CCDC15: variants seen among roughly 807,000 people sequenced by gnomAD.
The protein encoded by CCDC15 is coiled-coil domain containing 15, also known as coiled-coil domain-containing protein 15.
In CCDC15, 105 loss-of-function variants were observed where a neutral mutation model predicts 114.5. The observed-to-expected ratio is 0.92, with a 90% CI of 0.78 to 1.08. The LOEUF (loss-of-function observed/expected upper bound fraction) is 1.08, where lower values mean the gene tolerates loss of function less well. Among genes scored for constraint, CCDC15 ranks in the 50% least tolerant of loss-of-function variants. The pLI is 0.00. For missense variants in CCDC15, 1,105 were observed against 1,093.6 expected (o/e 1.01, Z -0.15); for synonymous variants, 334 against 377.8 (o/e 0.88, Z 1.34).
At chr11:124,984,952 GA>G (rs1234165627) in intron 6 of CCDC15, among the ~76,000 whole-genome samples, 2 of 152,022 alleles carry the variant, frequency 1.3e-5, no homozygotes. Context: ...TTGTTTTTGG[GA>G]TTTGCTCTAG....
At chr11:125,025,853 C>G (rs1948698599) in intron 13 of CCDC15, among the ~76,000 whole-genome samples, 1 of 152,116 alleles carries the variant, frequency 6.6e-6, no homozygotes, top group Non-Finnish European at 1.5e-5. Context: ...TATTCATTAT[C>G]AGCCTGACTT....
At chr11:124,995,233 A>G (rs1286170973) in intron 11 of CCDC15, among the ~76,000 whole-genome samples, 1 of 152,146 alleles carries the variant, frequency 6.6e-6, no homozygotes, top group African/African-American at 2.4e-5. Flanking sequence ...GTTTCAGCTT[A>G]AATGTCACCT....
chr11:125,006,183 C>G (rs548400276), intron 13 of CCDC15, among the ~76,000 whole-genome samples: 1 of 152,290 alleles, frequency 6.6e-6, no homozygotes, highest in African/African-American at 2.4e-5. Context: ...TTCCCACCAG[C>G]AAGGAGTGAG....
intron 13 of CCDC15, among the ~76,000 whole-genome samples, chr11:125,036,815 A>T (rs1038249146): frequency 6.6e-6 from 1 of 151,928 alleles, no homozygotes; most frequent in African/African-American, 2.4e-5. Context: ...TTTCTACTTG[A>T]TTCTTTTAAA....
chr11:124,994,442 AT>A (rs1427837595), intron 11 of CCDC15, among the ~76,000 whole-genome samples: 6 of 152,202 alleles, frequency 3.9e-5, no homozygotes, highest in Non-Finnish European at 8.8e-5. Context: ...TAGGTCTCCC[AT>A]TGAAACCTAG....
Position 125,038,418 on chromosome 11 carries a change from A to AT in CCDC15, c.2412-9dup. 1 of 1,417,008 alleles carries AT rather than the reference A, an allele frequency of 7.1e-7. No individual in the cohort carries two copies. The highest frequency in any genetic ancestry group is 9.3e-7 in the Non-Finnish European group (1 of 1,074,642). 87.8% of individuals were successfully genotyped at this position (1,417,008 alleles called of 1,614,324 possible). On this transcript the variant is annotated splice_polypyrimidine_tract_variant and intron_variant, in intron 13 of 15. Coordinates refer to ENST00000344762, the MANE Select transcript of CCDC15 (RefSeq NM_025004.3). ...TTATGAAATTCCTAACCATGTTATG[A>AT]TTTTATTTTCAGAATTAAGAAAAAG...
At chr11:124,977,341 G>T (rs1947990184) in intron 5 of CCDC15, 137 bp from the exon 6 acceptor site, 1 of 648,018 alleles carries the variant, frequency 1.5e-6, no homozygotes. Flanking sequence ...TAGAACTCAT[G>T]TTTTTTCCCT....
intron 13 of CCDC15, among the ~76,000 whole-genome samples, chr11:125,016,114 AGTTT>A (rs1948627696): frequency 6.6e-6 from 1 of 152,124 alleles, no homozygotes; most frequent in Non-Finnish European, 1.5e-5. Context: ...TTTTATTACT[AGTTT>A]GTTTGACATT....
At chr11:124,971,552 A>G (rs1947881379) in intron 4 of CCDC15, among the ~76,000 whole-genome samples, 1 of 152,322 alleles carries the variant, frequency 6.6e-6, no homozygotes, top group Admixed American at 6.5e-5. Flanking sequence ...ATGTATTTAT[A>G]TATGCAATAT....
chr11:125,012,173 T>G (rs1442017099), intron 13 of CCDC15, among the ~76,000 whole-genome samples: 3 of 152,114 alleles, frequency 2.0e-5, no homozygotes, highest in African/African-American at 7.2e-5. Context: ...TCCAGGGGCC[T>G]GGGTACCTGG....
chr11:125,039,135 A>G, intron 15 of CCDC15, 66 bp downstream of exon 15: 2 of 1,422,852 alleles, frequency 1.4e-6, no homozygotes, highest in South Asian at 1.5e-5. Flanking sequence ...AGTAGTGGTA[A>G]TAGTAATTTA....
intron 13 of CCDC15, among the ~76,000 whole-genome samples, chr11:125,031,006 G>A (rs1181019764): frequency 6.6e-6 from 1 of 152,212 alleles, no homozygotes; most frequent in Non-Finnish European, 1.5e-5. Flanking sequence ...TTTGTCACCA[G>A]TTTTTCAATC....
rs753745832 is a variant in CCDC15 at position 124,988,096 on chromosome 11, C to T, written c.1870C>T (p.Pro624Ser). ...TCTCTCCAACGACCAGAATATTCTA[C>T]CCAAATGTCAGGACCAAGATTTTCT... The part of the protein sequence containing the change: ...HVLSNDQNIL[P>S]KCQDQDFLPK... The change falls in exon 8 of 16, where the codon CCC (proline) becomes TCC (serine). Residue 624 changes from proline (P) to serine (S), a missense_variant. Coordinates refer to ENST00000344762, the MANE Select transcript of CCDC15 (RefSeq NM_025004.3). 1 of 1,613,414 alleles carries T rather than the reference C, an allele frequency of 6.2e-7. No homozygotes were observed. The highest frequency in any genetic ancestry group is 1.7e-5 in the Admixed American group (1 of 59,952).
intron 15 of CCDC15, among the ~76,000 whole-genome samples, chr11:125,040,108 C>T (rs575426173): frequency 6.6e-5 from 10 of 151,920 alleles, no homozygotes; most frequent in East Asian, 3.9e-4. Context: ...TGCAGTGGCA[C>T]GATCTCGGCT....
chr11:125,003,635 T>C (rs1948513185), intron 11 of CCDC15, among the ~76,000 whole-genome samples: 1 of 152,064 alleles, frequency 6.6e-6, no homozygotes, highest in South Asian at 2.1e-4. Flanking sequence ...TTATTCATGT[T>C]TTTGACCTGA....
chr11:124,990,629 G>A (rs1948251473), intron 8 of CCDC15, among the ~76,000 whole-genome samples: 1 of 152,190 alleles, frequency 6.6e-6, no homozygotes, highest in Non-Finnish European at 1.5e-5. Flanking sequence ...AAATGTTAAA[G>A]TATTACCAGC....
chr11:124,986,860 A>G lies in CCDC15; in HGVS notation c.872A>G (p.Asp291Gly), dbSNP rs1430785846. 5 of 1,559,458 alleles carry G rather than the reference A, an allele frequency of 3.2e-6. No individual in the cohort carries two copies. The highest frequency in any genetic ancestry group is 4.3e-6 in the Non-Finnish European group (5 of 1,152,124). The part of the protein sequence containing the change: ...QQDQQAIHSE[D>G]KNKPFSRVQK... ...GACCAGCAGGCTATCCATTCTGAAG[A>G]TAAGAACAAACCTTTCAGCAGAGTT... Residue 291 changes from aspartate to glycine, a missense_variant, in exon 7 of 16, where the codon GAT becomes GGT. Transcript: ENST00000344762.
chr11:124,958,794 C>A (rs1947601301), intron 2 of CCDC15, among the ~76,000 whole-genome samples: 1 of 151,942 alleles, frequency 6.6e-6, no homozygotes, highest in Non-Finnish European at 1.5e-5. Context: ...GAGCATAATG[C>A]CAAATATGAA....
At chr11:125,032,892 G>C (rs181689593) in intron 13 of CCDC15, among the ~76,000 whole-genome samples, 30 of 152,260 alleles carry the variant, frequency 2.0e-4, no homozygotes, top group African/African-American at 7.2e-4. Flanking sequence ...ATGATGTTTT[G>C]GGCCCCTGGA....
Sources: gnomAD v4.1 joint callset for allele counts (sites outside exome capture counted in the v4.1 genomes callset) on GRCh38, gnomAD v4.1.1 for gene constraint, MANE v1.5 for transcripts, NCBI Gene and HGNC (gene_info 2026-07-23, HGNC 2026-07-21) for gene names.